Variants in DPP6 observed in about 807,000 individuals in gnomAD.
DPP6 encodes the protein dipeptidyl peptidase like 6.
DPP6 carries 69 observed loss-of-function variants against 122.6 expected under a neutral mutation model. The observed-to-expected ratio is 0.56, with a 90% CI of 0.46 to 0.69. The LOEUF (loss-of-function observed/expected upper bound fraction) is 0.69. Among genes scored for constraint, DPP6 ranks in the 30% least tolerant of loss-of-function variants. The pLI is 0.00. For missense variants in DPP6, 928 were observed against 1,116.9 expected, an observed-to-expected ratio of 0.83 and a Z score of 2.41; for synonymous variants, 418 against 433.1, an observed-to-expected ratio of 0.97 and a Z score of 0.43.
In DPP6 at chr7:154,053,017, G is replaced by A. The variant is rs1407156329; in HGVS notation, c.197G>A (p.Arg66Gln). Residue 66 changes from arginine to glutamine, a missense_variant, in exon 1 of 26, where the codon CGG (arginine) becomes CAG (glutamine). Coordinates refer to ENST00000377770, the MANE Select transcript of DPP6 (RefSeq NM_130797.4). ...GGCGGCGGCGGCGGCGCGGGTGGCC[G>A]GCCCCGGTTCCAGTACCAGGCGCGG... ...RGGGGGGAGG[R>Q]PRFQYQARSD... 9 of 1,057,142 alleles carry A rather than the reference G, an allele frequency of 8.5e-6. No individual in the cohort carries two copies. Among genetic ancestry groups the A allele is most frequent in the Non-Finnish European group, 9.1e-6 (8 of 876,026 alleles). The allele number at this position is 1,057,142 out of a possible 1,614,324, so 65.5% of individuals were successfully genotyped here. A position where few individuals can be genotyped will look rare whatever the true frequency, so the allele number is the denominator to read the frequency against.
the DPP6 span, among the ~76,000 whole-genome samples, chr7:153,853,098 C>G: frequency 6.6e-6 from 1 of 152,126 alleles, no homozygotes; most frequent in South Asian, 2.1e-4. Context: ...AGCCTAGGCA[C>G]AAAAGGAAAA....
chr7:153,786,946 T>A, the DPP6 span, among the ~76,000 whole-genome samples: 4 of 144,236 alleles, frequency 2.8e-5, no homozygotes, highest in African/African-American at 1.0e-4. Context: ...GATTTCCTTT[T>A]TTTTGTTTTT....
chr7:153,948,593 T>C (rs1490465646), intron 1 of DPP6, among the ~76,000 whole-genome samples: 1 of 145,306 alleles, frequency 6.9e-6, no homozygotes, highest in Non-Finnish European at 1.5e-5. Context: ...AGACATTTTC[T>C]TCTCTACCTT....
chr7:153,968,190 G>A (rs1795851252), intron 1 of DPP6, among the ~76,000 whole-genome samples: 1 of 149,960 alleles, frequency 6.7e-6, no homozygotes, highest in South Asian at 2.1e-4. Context: ...GCTTTGCTCT[G>A]TAGCCTTGAC....
intron 1 of DPP6, among the ~76,000 whole-genome samples, chr7:153,995,912 T>C (rs1264489429): frequency 1.3e-5 from 2 of 152,220 alleles, no homozygotes; most frequent in Non-Finnish European, 2.9e-5. Flanking sequence ...CAAACATCTA[T>C]GGCATTTGTT....
At chr7:154,265,805 C>A (rs917254415) in intron 1 of DPP6, among the ~76,000 whole-genome samples, 7 of 152,120 alleles carry the variant, frequency 4.6e-5, no homozygotes, top group African/African-American at 1.7e-4. Context: ...AGTATTCTCT[C>A]AAACCTTAGA....
intron 4 of DPP6, among the ~76,000 whole-genome samples, chr7:154,566,430 C>T (rs1830753855): frequency 6.6e-6 from 1 of 152,088 alleles, no homozygotes; most frequent in Non-Finnish European, 1.5e-5. Flanking sequence ...TACAGGCATG[C>T]ACTACCACAC....
intron 8 of DPP6, among the ~76,000 whole-genome samples, chr7:154,756,551 GGT>G (rs903433157): frequency 1.3e-5 from 2 of 152,188 alleles, no homozygotes; most frequent in African/African-American, 4.8e-5. Flanking sequence ...ACTTGCCCAT[GGT>G]CACAGCTGGT....
the DPP6 span, among the ~76,000 whole-genome samples, chr7:153,841,650 T>C: frequency 6.6e-6 from 1 of 152,232 alleles, no homozygotes; most frequent in Non-Finnish European, 1.5e-5. Flanking sequence ...ACATTTCACT[T>C]ATATTTCCAC....
chr7:154,189,749 T>C (rs1563296254), intron 1 of DPP6, among the ~76,000 whole-genome samples: 1 of 152,210 alleles, frequency 6.6e-6, no homozygotes, highest in Non-Finnish European at 1.5e-5. Context: ...TCTCTCTTTG[T>C]GGTCTGGCTT....
chr7:154,238,924 CA>C (rs1225539207), intron 1 of DPP6, among the ~76,000 whole-genome samples: 3 of 152,180 alleles, frequency 2.0e-5, no homozygotes, highest in Non-Finnish European at 4.4e-5. Flanking sequence ...CACTCAAATA[CA>C]TGTATCTCTT....
chr7:154,878,145 G>C (rs1005372364), intron 20 of DPP6, among the ~76,000 whole-genome samples: 1 of 152,170 alleles, frequency 6.6e-6, no homozygotes, highest in African/African-American at 2.4e-5. Flanking sequence ...TGGAAGCCCG[G>C]GGCCTCCCCG....
intron 1 of DPP6, among the ~76,000 whole-genome samples, chr7:153,998,873 T>C (rs1451638542): frequency 6.6e-6 from 1 of 152,238 alleles, no homozygotes; most frequent in Non-Finnish European, 1.5e-5. Context: ...TTTGAATGAA[T>C]GGAATCCCAT....
intron 1 of DPP6, among the ~76,000 whole-genome samples, chr7:154,247,232 A>T (rs1339893806): frequency 6.6e-6 from 1 of 152,016 alleles, no homozygotes. Context: ...AGAATCCCTT[A>T]AACCTGGGAG....
chr7:154,056,947 T>C (rs905702842), intron 1 of DPP6, among the ~76,000 whole-genome samples: 1 of 152,240 alleles, frequency 6.6e-6, no homozygotes, highest in African/African-American at 2.4e-5. Context: ...TCTAAATCTT[T>C]CAACTGTCTA....
rs559237000 is a variant in DPP6, at chr7:154,702,654, A to G, written c.763-25113A>G. On this transcript the variant is annotated intron_variant, in intron 7 of 25. Coordinates refer to ENST00000377770, the MANE Select transcript of DPP6 (RefSeq NM_130797.4). ...GAAGGCCAAGGGAGGTAACGAGGCT[A>G]TAGAAGAAAAGTTGGAAGCTAACAG... 7.2e-5 allele frequency among the ~76,000 whole-genome samples: 11 copies of G among 152,358 alleles called. No individual in the cohort carries two copies. The South Asian group carries it at 1.7e-3, about 23-fold the overall frequency.
intron 1 of DPP6, among the ~76,000 whole-genome samples, chr7:154,297,101 G>A (rs77985812): frequency 0.052 from 7,690 of 148,800 alleles, 315 homozygotes; most frequent in Admixed American, 0.13. Context: ...TTTGGAGGGT[G>A]AGGGATAGCC....
intron 1 of DPP6, among the ~76,000 whole-genome samples, chr7:154,109,086 C>T (rs1032177105): frequency 2.0e-5 from 3 of 152,206 alleles, no homozygotes; most frequent in African/African-American, 7.2e-5. Context: ...TGTGGTCTCT[C>T]TTCTTTAGCG....
At chr7:154,567,392 A>G (rs1830828100) in intron 5 of DPP6, among the ~76,000 whole-genome samples, 1 of 152,196 alleles carries the variant, frequency 6.6e-6, no homozygotes, top group South Asian at 2.1e-4. Context: ...CTTCCTGTAT[A>G]TATGAGCCTC....
Sources: allele counts gnomAD v4.1 joint callset (sites outside exome capture counted in the v4.1 genomes callset), GRCh38; gene constraint gnomAD v4.1.1; transcripts MANE v1.5; gene names NCBI Gene and HGNC (gene_info 2026-07-23, HGNC 2026-07-21).